Variants in GPC5 observed in about 807,000 individuals in gnomAD.
GPC5 encodes glypican 5.
A neutral mutation model predicts 53.9 loss-of-function variants in GPC5; 47 were observed. The observed-to-expected ratio is 0.87, with a 90% confidence interval of 0.69 to 1.11. GPC5 has a LOEUF of 1.11. Among genes scored for constraint, GPC5 ranks in the 50% most tolerant of loss-of-function variants. GPC5 has a pLI of 0.00. For synonymous variants in GPC5, 286 were observed against 263.3 expected (o/e 1.09, Z -0.84); for missense variants, 748 against 713.1 (o/e 1.05, Z -0.56).
intron 7 of GPC5, among the ~76,000 whole-genome samples, chr13:92,749,437 A>G (rs1889323482): frequency 6.6e-6 from 1 of 151,986 alleles, no homozygotes; most frequent in African/African-American, 2.4e-5. Flanking sequence ...GTTCATCCGG[A>G]AAAAAAAGTA....
intron 2 of GPC5, among the ~76,000 whole-genome samples, chr13:91,662,571 C>G (rs912590735): frequency 2.0e-5 from 3 of 152,138 alleles, no homozygotes; most frequent in African/African-American, 7.2e-5. Flanking sequence ...AGTAATAAAT[C>G]TCTTAACTGG....
chr13:92,509,099 G>C (rs1455272408), intron 7 of GPC5, among the ~76,000 whole-genome samples: 2 of 152,132 alleles, frequency 1.3e-5, no homozygotes, highest in African/African-American at 4.8e-5. Flanking sequence ...GAAGGAAAAA[G>C]AAAGTGGCTA....
At chr13:92,766,556 A>T (rs1566409350) in intron 7 of GPC5, among the ~76,000 whole-genome samples, 3 of 152,212 alleles carry the variant, frequency 2.0e-5, no homozygotes, top group Admixed American at 2.0e-4. Context: ...AATAAAACAT[A>T]TCAAAGTCAT....
At chr13:91,793,062 C>T (rs1430746453) in intron 5 of GPC5, among the ~76,000 whole-genome samples, 1 of 152,108 alleles carries the variant, frequency 6.6e-6, no homozygotes, top group Non-Finnish European at 1.5e-5. Context: ...AGTCTGTTCT[C>T]ATTCTGCTGC....
chr13:92,077,021 T>G lies in GPC5; in HGVS notation c.1402-67809T>G, dbSNP rs552000750. Among the ~76,000 whole-genome samples the G allele has an allele frequency of 2.0e-5, 3 of 152,352 alleles. No individual in the cohort carries two copies. The East Asian group carries it at 5.8e-4, about 29-fold the overall frequency. On this transcript the variant is annotated intron_variant, in intron 6 of 7. Coordinates refer to ENST00000377067, the MANE Select transcript of GPC5 (RefSeq NM_004466.6). The stretch of plus-strand genomic sequence containing the variant: ...ATGCCCTTTCCTTTGATCCCAGGTC[T>G]TCAGACAAACTCAACCAATTGTCAA...
intron 7 of GPC5, among the ~76,000 whole-genome samples, chr13:92,145,786 G>C (rs1167417251): frequency 2.6e-5 from 4 of 152,094 alleles, no homozygotes; most frequent in Admixed American, 2.6e-4. Context: ...CCAAAGGCAG[G>C]GGTCACCTTC....
intron 7 of GPC5, among the ~76,000 whole-genome samples, chr13:92,613,351 A>T (rs9516096): frequency 6.9e-5 from 7 of 101,136 alleles, no homozygotes; most frequent in Admixed American, 1.5e-4. Flanking sequence ...TTTATATATA[A>T]ATATATAATA....
intron 6 of GPC5, among the ~76,000 whole-genome samples, chr13:91,961,970 A>C (rs1398954429): frequency 2.0e-5 from 3 of 152,168 alleles, no homozygotes; most frequent in Admixed American, 2.0e-4. Flanking sequence ...TTCTATATCT[A>C]CATGTCAGAA....
At chr13:92,411,888 G>T (rs1001343178) in intron 7 of GPC5, among the ~76,000 whole-genome samples, 1 of 152,054 alleles carries the variant, frequency 6.6e-6, no homozygotes, top group African/African-American at 2.4e-5. Flanking sequence ...TTTCTATTAG[G>T]TTGGTGCAAA....
chr13:91,686,776 A>C (rs1405360527), intron 2 of GPC5, among the ~76,000 whole-genome samples: 1 of 152,010 alleles, frequency 6.6e-6, no homozygotes, highest in Non-Finnish European at 1.5e-5. Flanking sequence ...TATCTGTATA[A>C]TTTAATGCAG....
At chr13:91,898,182 A>G (rs2039463104) in intron 5 of GPC5, among the ~76,000 whole-genome samples, 1 of 152,180 alleles carries the variant, frequency 6.6e-6, no homozygotes, top group Admixed American at 6.6e-5. Context: ...AGAAAAGATT[A>G]TTTGTACTTA....
chr13:92,623,210 A>G (rs1022482562), intron 7 of GPC5, among the ~76,000 whole-genome samples: 1 of 152,080 alleles, frequency 6.6e-6, no homozygotes, highest in African/African-American at 2.4e-5. Context: ...CAGGGACAGA[A>G]AAAATGTTTA....
At chr13:91,660,456 A>G (rs1258328881) in intron 2 of GPC5, among the ~76,000 whole-genome samples, 1 of 152,208 alleles carries the variant, frequency 6.6e-6, no homozygotes, top group Non-Finnish European at 1.5e-5. Flanking sequence ...CACCCAGTGA[A>G]GCTTGGAGAT....
intron 7 of GPC5, among the ~76,000 whole-genome samples, chr13:92,844,651 A>G (rs1878551043): frequency 6.6e-6 from 1 of 152,100 alleles, no homozygotes; most frequent in Non-Finnish European, 1.5e-5. Context: ...CACATCATGA[A>G]GTAAAAAACT....
chr13:91,478,881 T>TGTATATATATATATATA (rs1555312577), intron 2 of GPC5, among the ~76,000 whole-genome samples: 2 of 67,500 alleles, frequency 3.0e-5, no homozygotes, highest in African/African-American at 1.3e-4. Flanking sequence ...TATATACACA[T>TGTATATATATATATATA]TATATATATA....
intron 6 of GPC5, among the ~76,000 whole-genome samples, chr13:92,036,609 CTTAATA>C (rs1368663024): frequency 1.3e-5 from 2 of 152,176 alleles, no homozygotes; most frequent in Non-Finnish European, 2.9e-5. Context: ...GTTCTCCACA[CTTAATA>C]TTTAATAACC....
intron 6 of GPC5, among the ~76,000 whole-genome samples, chr13:92,039,596 A>G (rs2040925890): frequency 6.6e-6 from 1 of 152,228 alleles, no homozygotes; most frequent in Admixed American, 6.5e-5. Flanking sequence ...AGCTGCCATA[A>G]CAAACTACCA....
At chr13:91,428,422 G>A (rs1879208546) in intron 1 of GPC5, among the ~76,000 whole-genome samples, 1 of 152,202 alleles carries the variant, frequency 6.6e-6, no homozygotes, top group Non-Finnish European at 1.5e-5. Flanking sequence ...GCATCATTCA[G>A]AATGAGGTAT....
intron 6 of GPC5, among the ~76,000 whole-genome samples, chr13:92,031,865 ATT>A (rs1260709786): frequency 5.9e-5 from 2 of 33,852 alleles, no homozygotes; most frequent in African/African-American, 1.7e-4. Flanking sequence ...TAATATATAT[ATT>A]ATATATAACA....
Sources: allele counts gnomAD v4.1 joint callset (sites outside exome capture counted in the v4.1 genomes callset), GRCh38; gene constraint gnomAD v4.1.1; transcripts MANE v1.5; gene names NCBI Gene and HGNC (gene_info 2026-07-23, HGNC 2026-07-21).